The following AOPEP variants were observed in gnomAD, a reference collection of about 807,000 sequenced individuals.
AOPEP encodes the protein aminopeptidase O.
AOPEP carries 77 observed loss-of-function variants against 98.1 expected under a neutral mutation model. The ratio of observed to expected loss-of-function variants is 0.78; its 90% CI spans 0.65 to 0.95. AOPEP has a LOEUF of 0.95. Among genes scored for constraint, AOPEP ranks in the 40% least tolerant of loss-of-function variants. The pLI is 0.00. For synonymous variants in AOPEP, 346 were observed against 365.3 expected (o/e 0.95, Z 0.60); for missense variants, 1,024 against 1,024.7 (o/e 1.00, Z 0.01).
intron 13 of AOPEP, chr9:95,056,207 C>T (rs1316911953): frequency 2.6e-5 from 4 of 152,226 alleles, no homozygotes; most frequent in African/African-American, 7.2e-5. Context: ...GAACTCATGC[C>T]ACTGTCAATC....
At chr9:94,830,756 G>T (rs1855787157) in intron 5 of AOPEP, among the ~76,000 whole-genome samples, 1 of 152,184 alleles carries the variant, frequency 6.6e-6, no homozygotes, top group South Asian at 2.1e-4. Context: ...TGACTGGTAT[G>T]AGATGGTATC....
intron 13 of AOPEP, among the ~76,000 whole-genome samples, chr9:95,057,118 C>A (rs1280001927): frequency 1.3e-5 from 2 of 152,158 alleles, no homozygotes; most frequent in Admixed American, 6.5e-5. Context: ...AAGGCAAGTT[C>A]TTTTTATACT....
At chr9:95,045,102 G>C (rs1394809554) in intron 13 of AOPEP, among the ~76,000 whole-genome samples, 1 of 152,206 alleles carries the variant, frequency 6.6e-6, no homozygotes, top group African/African-American at 2.4e-5. Flanking sequence ...CACAGCGCTT[G>C]TGCCCAAGGT....
intron 5 of AOPEP, among the ~76,000 whole-genome samples, chr9:94,869,941 A>G (rs1465320156): frequency 6.6e-6 from 1 of 150,386 alleles, no homozygotes; most frequent in East Asian, 1.9e-4. Context: ...CTTCGTCCTC[A>G]GGCAGGAGAG....
chr9:94,816,243 A>G (rs1262848480), intron 5 of AOPEP, among the ~76,000 whole-genome samples: 1 of 152,156 alleles, frequency 6.6e-6, no homozygotes, highest in Non-Finnish European at 1.5e-5. Context: ...CATGGCCCCC[A>G]CAGTGTATAG....
rs918230873 is a variant in AOPEP at position 95,087,146 on chromosome 9, AT to A, written c.*479del. On this transcript the variant is annotated 3_prime_UTR_variant, in exon 17 of 17. Transcript: ENST00000375315. The stretch of plus-strand genomic sequence containing the variant: ...GATATATTATTAATAAATGTAATGG[AT>A]TTTTTTTTTGTATACGTGTTTGCTT... The A allele has an allele frequency of 3.0e-3, 480 of 160,682 alleles. 2 individuals carry two copies. The highest frequency in any genetic ancestry group is 8.3e-3 in the African/African-American group (342 of 41,108). 10.0% of individuals were successfully genotyped at this position (160,682 alleles called of 1,614,324 possible). A position where few individuals can be genotyped will look rare whatever the true frequency, so the allele number is the denominator to read the frequency against.
rs1488462469 is a variant in AOPEP at position 95,005,555 on chromosome 9, T to C, written c.2054T>C (p.Ile685Thr). 6.2e-7 allele frequency: 1 copy of C among 1,613,576 alleles called. No homozygotes were observed. Among genetic ancestry groups the C allele is most frequent in the African/African-American group, 1.3e-5 (1 of 74,790 alleles). ...TTTGAACCTCAGGTCACGAAATGGA[T>C]TGGAGTGAACCGGAGACCCCGAAAA... ...RQVRAEVTKW[I>T]GVNRRPRKRK... The change falls in exon 13 of 17, where the codon ATT (isoleucine) becomes ACT (threonine). Residue 685 changes from isoleucine (I) to threonine (T), a missense_variant. Physicochemically the swap from Ile to Thr is moderately conservative, Grantham distance 89 (BLOSUM62 -1). Transcript: ENST00000375315.
At chr9:95,062,369 G>T (rs1275004941) in intron 14 of AOPEP, among the ~76,000 whole-genome samples, 1 of 152,172 alleles carries the variant, frequency 6.6e-6, no homozygotes, top group African/African-American at 2.4e-5. Flanking sequence ...ACATGTGACC[G>T]AGATGCATAT....
chr9:94,966,764 A>G (rs1326797259), intron 9 of AOPEP, among the ~76,000 whole-genome samples: 2 of 152,182 alleles, frequency 1.3e-5, no homozygotes, highest in Non-Finnish European at 2.9e-5. Flanking sequence ...TAATGTAGTT[A>G]TGCCCCCAAT....
intron 5 of AOPEP, among the ~76,000 whole-genome samples, chr9:94,818,858 G>A (rs1852298002): frequency 6.6e-6 from 1 of 152,128 alleles, no homozygotes; most frequent in Admixed American, 6.5e-5. Flanking sequence ...GCCGGGCATG[G>A]TGGCGGGCAC....
At chr9:94,732,512 G>T (rs1830791325) in intron 1 of AOPEP, among the ~76,000 whole-genome samples, 1 of 152,138 alleles carries the variant, frequency 6.6e-6, no homozygotes, top group Non-Finnish European at 1.5e-5. Context: ...TATAAGAAGT[G>T]TCTTCTATCA....
intron 13 of AOPEP, among the ~76,000 whole-genome samples, chr9:95,049,725 C>G (rs772949500): frequency 6.6e-6 from 1 of 152,124 alleles, no homozygotes; most frequent in Non-Finnish European, 1.5e-5. Context: ...TTCCTGAAGT[C>G]TTGCATACAT....
At chr9:94,982,886 A>G (rs944625914) in intron 11 of AOPEP, among the ~76,000 whole-genome samples, 1 of 152,180 alleles carries the variant, frequency 6.6e-6, no homozygotes, top group Non-Finnish European at 1.5e-5. Flanking sequence ...ATAGCCATAT[A>G]TTCTAGTCTT....
At chr9:94,849,695 G>C (rs1385809651) in intron 5 of AOPEP, among the ~76,000 whole-genome samples, 1 of 151,998 alleles carries the variant, frequency 6.6e-6, no homozygotes, top group Non-Finnish European at 1.5e-5. Flanking sequence ...TTGCAACCTA[G>C]ATCCCTCTCA....
At chr9:95,094,689 CAG>C in the AOPEP span, among the ~76,000 whole-genome samples, 16 of 152,308 alleles carry the variant, frequency 1.1e-4, no homozygotes, top group Admixed American at 2.6e-4. Flanking sequence ...TTCTTTGAGA[CAG>C]AGTCTCACTC....
At chr9:95,073,235 T>C (rs1193158941) in intron 14 of AOPEP, among the ~76,000 whole-genome samples, 1 of 152,112 alleles carries the variant, frequency 6.6e-6, no homozygotes, top group African/African-American at 2.4e-5. Flanking sequence ...CCAGCCTGTC[T>C]GTGGCCCTCC....
In AOPEP at chr9:95,003,966, TCTCCATTAAG is replaced by T. The variant is rs2132650058; in HGVS notation, c.1978-1187_1978-1178del. 3 of 216,728 alleles carry T rather than the reference TCTCCATTAAG, an allele frequency of 1.4e-5. No individual in the cohort carries two copies. The South Asian group carries it at 1.8e-4, about 13-fold the overall frequency. 13.4% of individuals were successfully genotyped at this position (216,728 alleles called of 1,614,324 possible). On this transcript the variant is annotated intron_variant, in intron 11 of 16. Coordinates refer to ENST00000375315, the MANE Select transcript of AOPEP (RefSeq NM_001193329.3). ...GGAATGAAGGGATAAATTCCTGATGTCTCCATTAAGCTCCTCTGTGTAAAATACTCCATGG... is the reference window on the plus strand; with the variant it reads ...GGAATGAAGGGATAAATTCCTGATGTCTCCTCTGTGTAAAATACTCCATGG...
intron 5 of AOPEP, among the ~76,000 whole-genome samples, chr9:94,873,630 A>G (rs1438630501): frequency 6.6e-6 from 1 of 152,254 alleles, no homozygotes; most frequent in Non-Finnish European, 1.5e-5. Context: ...GAAATTATGA[A>G]TCAACCTGAA....
At chr9:95,006,247 G>A (rs2062009309) in intron 13 of AOPEP, 5 of 342,470 alleles carry the variant, frequency 1.5e-5, no homozygotes, top group South Asian at 7.5e-5. Flanking sequence ...AGTGACTTGC[G>A]GAAAACTCGT....
Sources: gnomAD v4.1 joint callset for allele counts (sites outside exome capture counted in the v4.1 genomes callset) on GRCh38, gnomAD v4.1.1 for gene constraint, MANE v1.5 for transcripts, NCBI Gene and HGNC (gene_info 2026-07-23, HGNC 2026-07-21) for gene names.